Variants in RUSF1 observed in about 807,000 individuals in gnomAD.
The protein encoded by RUSF1 is RUS family member 1, also known as RUS1 family protein C16orf58.
A neutral mutation model predicts 63.0 loss-of-function variants in RUSF1; 58 were observed. The observed-to-expected ratio is 0.92, with a 90% CI of 0.75 to 1.15. The LOEUF (loss-of-function observed/expected upper bound fraction) is 1.15, where lower values mean the gene tolerates loss of function less well. Among genes scored for constraint, RUSF1 ranks in the 50% most tolerant of loss-of-function variants. RUSF1 has a pLI of 0.00. For synonymous variants in RUSF1, 274 were observed against 255.8 expected (o/e 1.07, Z -0.68); for missense variants, 652 against 611.0 (o/e 1.07, Z -0.71).
At chr16:31,507,269 A>G (rs1751871723) in intron 2 of RUSF1, among the ~76,000 whole-genome samples, 1 of 152,176 alleles carries the variant, frequency 6.6e-6, no homozygotes, top group Non-Finnish European at 1.5e-5. Flanking sequence ...CAATTTTTTA[A>G]AAGCTGTACA....
intron 1 of RUSF1, 60 bp downstream of exon 1, chr16:31,508,014 C>T: frequency 6.4e-7 from 1 of 1,552,420 alleles, no homozygotes; most frequent in Non-Finnish European, 8.7e-7. Context: ...AGTCACCCGT[C>T]CATTATTGGG....
intron 2 of RUSF1, 53 bp downstream of exon 2, chr16:31,507,711 G>A: frequency 6.6e-7 from 1 of 1,513,778 alleles, no homozygotes; most frequent in Non-Finnish European, 9.0e-7. Context: ...TAAGAGCCCA[G>A]CGAAAGCAGG....
chr16:31,503,212 AC>A (rs1191421160), intron 2 of RUSF1, among the ~76,000 whole-genome samples: 1 of 152,240 alleles, frequency 6.6e-6, no homozygotes, highest in Non-Finnish European at 1.5e-5. Context: ...CACAAATTGT[AC>A]TTGGCTCCAC....
chr16:31,505,229 A>G (rs1483215046), intron 2 of RUSF1, among the ~76,000 whole-genome samples: 1 of 152,202 alleles, frequency 6.6e-6, no homozygotes, highest in Non-Finnish European at 1.5e-5. Context: ...CTACGTGCAC[A>G]TCCGGGCACA....
chr16:31,490,625 G>T lies in RUSF1; in HGVS notation c.*210C>A. 2 of 1,227,078 alleles carry T rather than the reference G, an allele frequency of 1.6e-6. No homozygotes were observed. The highest frequency in any genetic ancestry group is 2.3e-6 in the Non-Finnish European group (2 of 852,578). 76.0% of individuals were successfully genotyped at this position (1,227,078 alleles called of 1,614,324 possible). On this transcript the variant is annotated 3_prime_UTR_variant, in exon 13 of 13. Coordinates refer to ENST00000327237, the MANE Select transcript of RUSF1 (RefSeq NM_022744.4). ...GCTCCCCAGAAAAGGGGAAGGGGCA[G>T]TGGGGTGAGAAGGTCCTGGCTCCCC...
In RUSF1 at chr16:31,492,079, C is replaced by G; in HGVS notation, c.1239G>C (p.Lys413Asn). ...CCTTGACGACGACCCAGCTCTCTTT[C>G]TTAGGACCTGGGTACGGGGGTGCAG... Reference protein sequence around the residue: ...ELRNRVRAGPKKESWVVVKET... With the variant: ...ELRNRVRAGPNKESWVVVKET... Residue 413 changes from lysine to asparagine, a missense_variant, in exon 12 of 13, where the codon AAG becomes AAC. By Grantham distance (94) the Lys-to-Asn change is moderately conservative. Coordinates refer to ENST00000327237, the MANE Select transcript of RUSF1 (RefSeq NM_022744.4). 2.5e-6 allele frequency: 4 copies of G among 1,614,186 alleles called. No homozygotes were observed. Among genetic ancestry groups the G allele is most frequent in the Non-Finnish European group, 2.5e-6 (3 of 1,180,006 alleles).
At chr16:31,498,616 C>G (rs2082616330) in intron 5 of RUSF1, among the ~76,000 whole-genome samples, 1 of 152,182 alleles carries the variant, frequency 6.6e-6, no homozygotes, top group Non-Finnish European at 1.5e-5. Flanking sequence ...TGGGTGAGAT[C>G]AACCTGCAAG....
intron 5 of RUSF1, 143 bp downstream of exon 5, chr16:31,499,159 A>G: frequency 1.3e-6 from 1 of 760,536 alleles, no homozygotes. Flanking sequence ...GAGGAGGGTC[A>G]GAAAGGATGG....
intron 2 of RUSF1, among the ~76,000 whole-genome samples, chr16:31,503,821 C>T (rs957394494): frequency 6.6e-6 from 1 of 152,190 alleles, no homozygotes; most frequent in Non-Finnish European, 1.5e-5. Flanking sequence ...CACAACCATG[C>T]CTGGCTAATT....
chr16:31,501,535 A>G (rs1567398494), intron 2 of RUSF1, among the ~76,000 whole-genome samples: 1 of 151,484 alleles, frequency 6.6e-6, no homozygotes, highest in Non-Finnish European at 1.5e-5. Flanking sequence ...TCAATGCTGC[A>G]GTGAGCTATG....
intron 2 of RUSF1, among the ~76,000 whole-genome samples, chr16:31,507,345 T>C (rs373865524): frequency 3.3e-5 from 5 of 152,228 alleles, no homozygotes; most frequent in African/African-American, 1.2e-4. Context: ...ACACAATACC[T>C]TCCATTCTTT....
Position 31,490,722 on chromosome 16 carries a change from A to G in RUSF1, c.*113T>C. 7.8e-7 allele frequency: 1 copy of G among 1,285,918 alleles called. No homozygotes were observed. The highest frequency in any genetic ancestry group is 1.1e-6 in the Non-Finnish European group (1 of 893,738). The allele number at this position is 1,285,918 out of a possible 1,614,324, so 79.7% of individuals were successfully genotyped here. ...GTCACTTCCCATGAGGGCCTGGCCCACCCGCTGCAGTTGCCCTAAGGAAAA... is the reference window on the plus strand; with the variant it reads ...GTCACTTCCCATGAGGGCCTGGCCCGCCCGCTGCAGTTGCCCTAAGGAAAA... On this transcript the variant is annotated 3_prime_UTR_variant, in exon 13 of 13. Transcript: ENST00000327237.
At chr16:31,490,995 C>T in intron 12 of RUSF1, 63 bp from the exon 13 acceptor site, 3 of 1,527,980 alleles carry the variant, frequency 2.0e-6, no homozygotes, top group African/African-American at 1.4e-5. Context: ...GAGGCACAGG[C>T]TGGGTGCAGG....
In RUSF1 at chr16:31,500,726, T is replaced by C. The variant is rs757723192; in HGVS notation, c.421A>G (p.Thr141Ala). Residue 141 changes from threonine (T) to alanine (A), a missense_variant, in exon 3 of 13, where the codon ACT (threonine) becomes GCT (alanine). Transcript: ENST00000327237. ...ATATWLVKDS[T>A]GMLGRIVFAW... ...AAGACGATGCGGCCCAGCATGCCAG[T>C]TGAATCTGGGGGAAAGAAGGCACAG... The C allele has an allele frequency of 3.7e-5, 60 of 1,611,652 alleles. No homozygotes were observed. In the Admixed American group the frequency reaches 8.5e-4, roughly 23 times the overall value.
At position 31,500,714 on chromosome 16, in the gene RUSF1, C is replaced by T. The variant is rs568823698; in HGVS notation, c.433G>A (p.Gly145Ser). Residue 145 changes from glycine (G) to serine (S), a missense_variant, in exon 3 of 13, where the codon GGC (glycine) becomes AGC (serine). Transcript: ENST00000327237. ...WLVKDSTGML[G>S]RIVFAWWKGS... ...TTCCACCAGGCAAAGACGATGCGGCCCAGCATGCCAGTTGAATCTGGGGGA... is the reference window on the plus strand; with the variant it reads ...TTCCACCAGGCAAAGACGATGCGGCTCAGCATGCCAGTTGAATCTGGGGGA... The T allele has an allele frequency of 6.2e-7, 1 of 1,612,258 alleles. No individual in the cohort carries two copies. The highest frequency in any genetic ancestry group is 1.7e-5 in the Admixed American group (1 of 59,898).
intron 9 of RUSF1, 70 bp from the exon 10 acceptor site, chr16:31,493,118 A>ACAGC (rs2142645003): frequency 1.4e-6 from 2 of 1,470,350 alleles, no homozygotes; most frequent in East Asian, 2.3e-5. Flanking sequence ...CAGCCACTGA[A>ACAGC]CAGCCACCCA....
At chr16:31,499,173 G>C (rs2082619189) in intron 5 of RUSF1, 129 bp downstream of exon 5, 25 of 843,702 alleles carry the variant, frequency 3.0e-5, no homozygotes, top group Middle Eastern at 6.9e-4. Context: ...AGGATGGTTG[G>C]GTTCGAGTAG....
In RUSF1 at chr16:31,490,466, C is replaced by T. The variant is rs766964066; in HGVS notation, c.*369G>A. 23 of 1,613,888 alleles carry T rather than the reference C, an allele frequency of 1.4e-5. No homozygotes were observed. The highest frequency in any genetic ancestry group is 1.9e-5 in the Non-Finnish European group (23 of 1,180,022). ...ACATCAGCGAGGACCCGAGCTGGGC[C>T]CGTGTGGTCAACCTCAATGCCCTGC... On this transcript the variant is annotated 3_prime_UTR_variant, in exon 13 of 13. Transcript: ENST00000327237.
rs768164745 is a variant in RUSF1, at chr16:31,490,203, T to G, written c.*632A>C. 1 of 1,614,118 alleles carries G rather than the reference T, an allele frequency of 6.2e-7. No individual in the cohort carries two copies. The highest frequency in any genetic ancestry group is 1.3e-5 in the African/African-American group (1 of 75,036). ...CTCCTCACTCCCTGTACAGAATGGG[T>G]GCCCAGAGAGTGCCATGGAGATGAA... is the stretch of plus-strand genomic sequence containing the variant. On this transcript the variant is annotated 3_prime_UTR_variant, in exon 13 of 13. Transcript: ENST00000327237.
Sources: gnomAD v4.1 joint callset for allele counts (sites outside exome capture counted in the v4.1 genomes callset) on GRCh38, gnomAD v4.1.1 for gene constraint, MANE v1.5 for transcripts, NCBI Gene and HGNC (gene_info 2026-07-23, HGNC 2026-07-21) for gene names.